Variants in SPDL1 observed in about 807,000 individuals in gnomAD.
SPDL1 encodes the protein protein Spindly.
A neutral mutation model predicts 79.5 loss-of-function variants in SPDL1; 85 were observed. That is an observed-to-expected ratio of 1.07 (90% CI 0.90 to 1.28). The LOEUF is 1.28. SPDL1 is among the 50% of genes most tolerant of loss of function. The pLI is 0.00. For missense variants in SPDL1, 703 were observed against 697.8 expected (o/e 1.01, Z -0.08); for synonymous variants, 269 against 240.3 (o/e 1.12, Z -1.10).
At chr5:169,603,806 A>G (rs903309916) in intron 11 of SPDL1, among the ~76,000 whole-genome samples, 1 of 152,190 alleles carries the variant, frequency 6.6e-6, no homozygotes, top group Non-Finnish European at 1.5e-5. Flanking sequence ...GTGAGCCGAG[A>G]TCATGCCACT....
In SPDL1 at chr5:169,594,445, C is replaced by G; in HGVS notation, c.733C>G (p.Gln245Glu). 6.2e-7 allele frequency: 1 copy of G among 1,614,106 alleles called. No individual in the cohort carries two copies. Among genetic ancestry groups the G allele is most frequent in the Non-Finnish European group, 8.5e-7 (1 of 1,179,968 alleles). Reference protein sequence around the residue: ...DLQVQLDQALQQALDPNSKGN... With the variant: ...DLQVQLDQALEQALDPNSKGN... ...TCAGGTACAGTTGGACCAGGCACTC[C>G]AGCAAGCCTTGGATCCCAATAGTAA... is the stretch of plus-strand genomic sequence containing the variant. Residue 245 changes from glutamine (Q) to glutamate (E), a missense_variant, in exon 6 of 12, where the codon CAG becomes GAG. Physicochemically the swap from Gln to Glu is conservative, Grantham distance 29. Transcript: ENST00000265295.
At chr5:169,591,385 A>C (rs947360351) in intron 3 of SPDL1, among the ~76,000 whole-genome samples, 161 bp downstream of exon 3, 1 of 152,204 alleles carries the variant, frequency 6.6e-6, no homozygotes, top group Non-Finnish European at 1.5e-5. Flanking sequence ...GAGATACAAG[A>C]GTTTGTCTAA....
Position 169,597,232 on chromosome 5 carries a change from T to TTGTG in SPDL1, c.1032+563_1032+566dup, listed in dbSNP as rs56336716. 2.5e-3 allele frequency among the ~76,000 whole-genome samples: 368 copies of TTGTG among 149,296 alleles called. 1 individual carries two copies. The highest frequency in any genetic ancestry group is 0.017 in the Middle Eastern group (5 of 288). ...TTGAGAATGGTATTTGTGTAAGCAT[T>TTGTG]TGTGTGTGTGTGTGTGTGTGTGTGT... On this transcript the variant is annotated intron_variant, in intron 8 of 11. Transcript: ENST00000265295.
intron 11 of SPDL1, 67 bp downstream of exon 11, chr5:169,601,692 C>A: frequency 7.6e-7 from 1 of 1,317,746 alleles, no homozygotes; most frequent in Non-Finnish European, 1.1e-6. Context: ...GCTGCATGAA[C>A]TGTGCTGTCT....
intron 7 of SPDL1, among the ~76,000 whole-genome samples, chr5:169,595,046 G>T (rs150016104): frequency 6.6e-6 from 1 of 152,244 alleles, no homozygotes; most frequent in African/African-American, 2.4e-5. Context: ...GAAACTCGCT[G>T]CCTCACCATT....
At chr5:169,602,405 T>C (rs1220275578) in intron 11 of SPDL1, among the ~76,000 whole-genome samples, 2 of 152,206 alleles carry the variant, frequency 1.3e-5, no homozygotes, top group Non-Finnish European at 2.9e-5. Flanking sequence ...TGCAATGGGA[T>C]TGTTAGAGGC....
intron 9 of SPDL1, 55 bp from the exon 10 acceptor site, chr5:169,598,917 A>G (rs1755735827): frequency 1.3e-6 from 2 of 1,493,760 alleles, no homozygotes; most frequent in Non-Finnish European, 8.9e-7. Context: ...TTATACCACT[A>G]CACTTATTAT....
At chr5:169,587,859 G>A (rs549197126) in intron 1 of SPDL1, among the ~76,000 whole-genome samples, 31 of 152,168 alleles carry the variant, frequency 2.0e-4, no homozygotes, top group Non-Finnish European at 4.3e-4. Flanking sequence ...TAGGACTACG[G>A]GGGCTTGCCA....
chr5:169,588,828 G>T, intron 2 of SPDL1: 1 of 263,854 alleles, frequency 3.8e-6, no homozygotes, highest in Non-Finnish European at 7.2e-6. Flanking sequence ...ATTTTGCTTT[G>T]TCTGCACACT....
chr5:169,603,085 A>G (rs981980381), intron 11 of SPDL1, among the ~76,000 whole-genome samples: 7 of 141,912 alleles, frequency 4.9e-5, no homozygotes, highest in Admixed American at 4.4e-4. Context: ...TTAAACAAAA[A>G]ATAAAATACC....
intron 1 of SPDL1, among the ~76,000 whole-genome samples, chr5:169,588,022 A>G (rs1755073464): frequency 6.6e-6 from 1 of 152,118 alleles, no homozygotes; most frequent in Non-Finnish European, 1.5e-5. Flanking sequence ...AGGTTTCTTG[A>G]TTACTTTTTT....
chr5:169,592,331 C>CCT (rs1755335087), intron 3 of SPDL1, among the ~76,000 whole-genome samples: 1 of 148,972 alleles, frequency 6.7e-6, no homozygotes, highest in Non-Finnish European at 1.5e-5. Flanking sequence ...GATTCTCCTG[C>CCT]CTCAGGCTCC....
intron 3 of SPDL1, among the ~76,000 whole-genome samples, chr5:169,592,484 G>A (rs1755346335): frequency 6.6e-6 from 1 of 151,866 alleles, no homozygotes; most frequent in African/African-American, 2.4e-5. Context: ...CAAAGTGCTG[G>A]GATTACAGGC....
intron 10 of SPDL1, among the ~76,000 whole-genome samples, chr5:169,600,306 T>C (rs1755815383): frequency 6.6e-6 from 1 of 152,218 alleles, no homozygotes; most frequent in South Asian, 2.1e-4. Flanking sequence ...CTTAACTCTT[T>C]TTGTTTCTTC....
chr5:169,587,653 T>C (rs956666747), intron 1 of SPDL1, among the ~76,000 whole-genome samples: 1 of 152,228 alleles, frequency 6.6e-6, no homozygotes, highest in African/African-American at 2.4e-5. Context: ...TTTCTTACTT[T>C]ACCTTATGAG....
chr5:169,598,385 A>G (rs977534980), intron 8 of SPDL1, 91 bp from the exon 9 acceptor site: 1 of 806,052 alleles, frequency 1.2e-6, no homozygotes, highest in African/African-American at 1.8e-5. Context: ...AAGGGATATA[A>G]ATTCAGGAAG....
At chr5:169,602,797 G>A (rs990216853) in intron 11 of SPDL1, among the ~76,000 whole-genome samples, 3 of 152,180 alleles carry the variant, frequency 2.0e-5, no homozygotes, top group African/African-American at 7.2e-5. Flanking sequence ...TAAGGAAAAA[G>A]TAACTTCAAA....
At position 169,603,064 on chromosome 5, in the gene SPDL1, T is replaced by C. The variant is rs186171397; in HGVS notation, c.1671-996T>C. Among the ~76,000 whole-genome samples, 90 of 152,072 alleles carry C rather than the reference T, an allele frequency of 5.9e-4. 1 individual carries two copies. Among genetic ancestry groups the C allele is most frequent in the African/African-American group, 1.9e-3 (78 of 41,476 alleles). Reference sequence around the variant, plus strand: ...CTCAAGTAGCACGTTGGAAACTTTTTGTCTTGTTCGTTAAACAAAAAATAA... The same window carrying C: ...CTCAAGTAGCACGTTGGAAACTTTTCGTCTTGTTCGTTAAACAAAAAATAA... On this transcript the variant is annotated intron_variant, in intron 11 of 11. Coordinates refer to ENST00000265295, the MANE Select transcript of SPDL1 (RefSeq NM_017785.5).
chr5:169,599,150 G>T lies in SPDL1; in HGVS notation c.1315G>T (p.Glu439Ter). ...AKLDELKLKY[E>*]PEETVEVPVL... is the part of the protein sequence containing the mutation. Reference sequence around the variant, plus strand: ...ACTAGATGAATTGAAACTAAAATATGAACCTGAAGGTATATATGTCTCATA... The same window carrying T: ...ACTAGATGAATTGAAACTAAAATATTAACCTGAAGGTATATATGTCTCATA... Residue 439 changes from glutamate (E) to a stop codon, truncating the protein, a stop_gained, in exon 10 of 12, where the codon GAA (glutamate) becomes TAA (stop). Transcript: ENST00000265295. LOFTEE classifies it high-confidence loss of function. 2 of 1,508,296 alleles carry T rather than the reference G, an allele frequency of 1.3e-6. No individual in the cohort carries two copies. Among genetic ancestry groups the T allele is most frequent in the South Asian group, 1.2e-5 (1 of 81,998 alleles). 93.4% of individuals were successfully genotyped at this position (1,508,296 alleles called of 1,614,324 possible).
Sources: allele counts gnomAD v4.1 joint callset (sites outside exome capture counted in the v4.1 genomes callset), GRCh38; gene constraint gnomAD v4.1.1; transcripts MANE v1.5; gene names NCBI Gene and HGNC (gene_info 2026-07-23, HGNC 2026-07-21).